CTNNA2: variants seen among roughly 807,000 people sequenced by gnomAD.
CTNNA2 encodes catenin alpha 2.
CTNNA2 carries 42 observed loss-of-function variants against 101.0 expected under a neutral mutation model. The ratio of observed to expected loss-of-function variants is 0.42; its 90% confidence interval spans 0.32 to 0.54. CTNNA2 has a LOEUF of 0.54. Ranked by LOEUF, CTNNA2 falls within the 20% of genes least tolerant of loss-of-function variation. The pLI is 0.14. For missense variants in CTNNA2, 871 were observed against 1,223.1 expected (o/e 0.71, Z 4.29); for synonymous variants, 450 against 456.4 (o/e 0.99, Z 0.18).
intron 12 of CTNNA2, among the ~76,000 whole-genome samples, chr2:80,572,091 C>A (rs573712046): frequency 6.6e-6 from 1 of 152,096 alleles, no homozygotes; most frequent in Non-Finnish European, 1.5e-5. Context: ...AAAGCACTTG[C>A]CGAAATGATG....
chr2:79,920,340 A>AT (rs1437634957), intron 7 of CTNNA2, among the ~76,000 whole-genome samples: 1 of 152,232 alleles, frequency 6.6e-6, no homozygotes, highest in African/African-American at 2.4e-5. Context: ...TATTTCTACT[A>AT]TAACACTTGC....
chr2:80,013,731 T>A (rs1417766733), intron 7 of CTNNA2, among the ~76,000 whole-genome samples: 1 of 152,130 alleles, frequency 6.6e-6, no homozygotes, highest in African/African-American at 2.4e-5. Context: ...TCAAGCATGC[T>A]CTCCCACATT....
rs541517916 is a variant in CTNNA2 at position 79,225,215 on chromosome 2, CAG to C, written c.-406+27140_-406+27141del. On this transcript the variant is annotated intron_variant, in intron 2 of 21. Transcript: ENST00000466387. ...AAAAATGTCAGAAATTTTCATGAAA[CAG>C]GGGCATCATTTTAACTATTTTGCAG... Among the ~76,000 whole-genome samples the C allele has an allele frequency of 1.3e-3, 202 of 152,166 alleles. 1 individual carries two copies. Among genetic ancestry groups the C allele is most frequent in the African/African-American group, 4.3e-3 (177 of 41,528 alleles).
intron 7 of CTNNA2, among the ~76,000 whole-genome samples, chr2:80,239,731 G>A (rs904350402): frequency 3.3e-5 from 5 of 151,982 alleles, no homozygotes; most frequent in Non-Finnish European, 7.4e-5. Context: ...GGCCAACATG[G>A]TGAAACCCCG....
chr2:79,761,712 T>A (rs1194929000), intron 3 of CTNNA2, among the ~76,000 whole-genome samples: 1 of 152,198 alleles, frequency 6.6e-6, no homozygotes, highest in East Asian at 1.9e-4. Flanking sequence ...TTCATTAGAA[T>A]ATGATCTTTT....
intron 2 of CTNNA2, among the ~76,000 whole-genome samples, chr2:79,703,821 C>T (rs1035752591): frequency 1.3e-5 from 2 of 152,036 alleles, no homozygotes; most frequent in Non-Finnish European, 2.9e-5. Context: ...AACATGCAGT[C>T]CAGAAATATT....
chr2:79,231,104 A>T (rs1050524399), intron 2 of CTNNA2, among the ~76,000 whole-genome samples: 6 of 151,776 alleles, frequency 4.0e-5, no homozygotes, highest in African/African-American at 1.2e-4. Flanking sequence ...ACTTTGGGGG[A>T]CTGTTGGGAA....
chr2:79,735,007 G>T (rs1024227835), intron 2 of CTNNA2, among the ~76,000 whole-genome samples: 1 of 152,132 alleles, frequency 6.6e-6, no homozygotes, highest in Admixed American at 6.5e-5. Flanking sequence ...ACTTTTACCA[G>T]TGTCCATTAT....
At chr2:79,689,979 C>G (rs1378331067) in intron 2 of CTNNA2, among the ~76,000 whole-genome samples, 1 of 151,720 alleles carries the variant, frequency 6.6e-6, no homozygotes, top group Admixed American at 6.6e-5. Context: ...TTAAAAATAT[C>G]TTGCATATAC....
intron 9 of CTNNA2, among the ~76,000 whole-genome samples, chr2:80,514,512 T>C (rs1382469311): frequency 2.6e-5 from 4 of 152,286 alleles, no homozygotes; most frequent in African/African-American, 9.6e-5. Flanking sequence ...CCCAAGCTCT[T>C]GTCTGGTGTC....
intron 7 of CTNNA2, among the ~76,000 whole-genome samples, chr2:80,354,744 G>T (rs1559037631): frequency 6.6e-6 from 1 of 152,082 alleles, no homozygotes; most frequent in African/African-American, 2.4e-5. Context: ...CTGTTCTCTG[G>T]AAGTGATATT....
intron 7 of CTNNA2, among the ~76,000 whole-genome samples, chr2:80,242,285 ACT>A (rs1670998733): frequency 6.6e-6 from 1 of 152,136 alleles, no homozygotes; most frequent in Admixed American, 6.6e-5. Context: ...CTGTGGCATA[ACT>A]CTTGCTGTTT....
At chr2:80,196,385 C>T (rs1706835102) in intron 7 of CTNNA2, among the ~76,000 whole-genome samples, 1 of 152,144 alleles carries the variant, frequency 6.6e-6, no homozygotes, top group Non-Finnish European at 1.5e-5. Context: ...TTTCCTGTGA[C>T]CTTGTGCCCC....
In CTNNA2 at chr2:80,062,702, CTTT is replaced by C. The variant is rs70940073; in HGVS notation, c.1056+152924_1056+152926del. On this transcript the variant is annotated intron_variant, in intron 7 of 18. Transcript: ENST00000402739. ...CTTCTATGAAGCACTGCACTGTGAT[CTTT>C]TTTTTTTTTTTTTTTTTTGAGATGG... Among the ~76,000 whole-genome samples, 324 of 117,426 alleles carry C rather than the reference CTTT, an allele frequency of 2.8e-3. 3 individuals carry two copies. The highest frequency in any genetic ancestry group is 5.1e-3 in the African/African-American group (145 of 28,550). 77.0% of individuals were successfully genotyped at this position (117,426 alleles called of 152,430 possible).
intron 4 of CTNNA2, among the ~76,000 whole-genome samples, chr2:79,413,584 T>C (rs1678441992): frequency 6.6e-6 from 1 of 152,046 alleles, no homozygotes; most frequent in African/African-American, 2.4e-5. Flanking sequence ...TACCTAGAAG[T>C]GGAATTGCTG....
chr2:80,005,806 TGAG>T lies in CTNNA2; in HGVS notation c.1056+96012_1056+96014del, dbSNP rs10556335. Among the ~76,000 whole-genome samples, 820 of 151,398 alleles carry T rather than the reference TGAG, an allele frequency of 5.4e-3. 6 individuals carry two copies. The highest frequency in any genetic ancestry group is 0.019 in the African/African-American group (768 of 41,312). On this transcript the variant is annotated intron_variant, in intron 7 of 18. Transcript: ENST00000402739. ...TTTTTAAACAAGCACAGCTAAAGAA[TGAG>T]GACATTTTCATATCAGTGGTTTTCA...
intron 8 of CTNNA2, among the ~76,000 whole-genome samples, chr2:80,418,190 C>T (rs1680205346): frequency 6.6e-6 from 1 of 152,134 alleles, no homozygotes. Flanking sequence ...CTAGGCGCTG[C>T]CATTTGTTAA....
chr2:80,493,159 G>A (rs1384854481), intron 9 of CTNNA2, among the ~76,000 whole-genome samples: 1 of 152,168 alleles, frequency 6.6e-6, no homozygotes, highest in African/African-American at 2.4e-5. Flanking sequence ...GCACGGTACA[G>A]AATGCATGCT....
rs773644253 is a variant in CTNNA2 at position 79,744,527 on chromosome 2, G to C, written c.243G>C (p.Glu81Asp). Residue 81 changes from glutamate to aspartate, a missense_variant, in exon 3 of 19, where the codon GAG (glutamate) becomes GAC (aspartate). Coordinates refer to ENST00000402739, the MANE Select transcript of CTNNA2 (RefSeq NM_001282597.3). ...AAAAGGGTGAACAGATCGCTAAGGA[G>C]AGTCAAGATCTCAAAGAAGAGTTGG... ...FLEKGEQIAKESQDLKEELVA... is the reference protein window; with the variant it reads ...FLEKGEQIAKDSQDLKEELVA... The C allele has an allele frequency of 1.9e-6, 3 of 1,613,960 alleles. No homozygotes were observed. Among genetic ancestry groups the C allele is most frequent in the Non-Finnish European group, 1.7e-6 (2 of 1,179,964 alleles).
Sources: allele counts gnomAD v4.1 joint callset (sites outside exome capture counted in the v4.1 genomes callset), GRCh38; gene constraint gnomAD v4.1.1; transcripts MANE v1.5; gene names NCBI Gene and HGNC (gene_info 2026-07-23, HGNC 2026-07-21).